The following SAMD3 variants were observed in gnomAD, a reference collection of about 807,000 sequenced individuals.
SAMD3 encodes sterile alpha motif domain-containing protein 3.
In SAMD3, 63 loss-of-function variants were observed where a neutral mutation model predicts 58.5. That is an observed-to-expected ratio of 1.08 (90% CI 0.88 to 1.33). The LOEUF is 1.33. SAMD3 is among the 40% of genes most tolerant of loss of function. The pLI is 0.00. For synonymous variants in SAMD3, 220 were observed against 210.3 expected, an observed-to-expected ratio of 1.05 and a Z score of -0.40; for missense variants, 604 against 608.4, an observed-to-expected ratio of 0.99 and a Z score of 0.08.
chr6:130,345,867 T>C (rs1482389677), intron 1 of SAMD3, among the ~76,000 whole-genome samples: 1 of 152,172 alleles, frequency 6.6e-6, no homozygotes, highest in Non-Finnish European at 1.5e-5. Flanking sequence ...GTATCTGTCA[T>C]GGGTCATGTG....
At chr6:130,146,721 TC>T (rs2114544244) in intron 9 of SAMD3, among the ~76,000 whole-genome samples, 1 of 152,216 alleles carries the variant, frequency 6.6e-6, no homozygotes, top group African/African-American at 2.4e-5. Context: ...ATGATTATAA[TC>T]CCAGCATTTT....
At chr6:130,282,135 C>T (rs565320174) in intron 2 of SAMD3, among the ~76,000 whole-genome samples, 8 of 151,818 alleles carry the variant, frequency 5.3e-5, no homozygotes, top group South Asian at 2.1e-4. Flanking sequence ...CACACACACA[C>T]GCACACACAC....
upstream of SAMD3, chr6:130,365,516 G>GAGGGGCGTGGAGCC: frequency 1.0e-6 from 1 of 985,410 alleles, no homozygotes; most frequent in Non-Finnish European, 1.2e-6. Context: ...GAAAGCGTCC[G>GAGGGGCGTGGAGCC]AGGGGCGTGG....
chr6:130,282,550 T>C (rs1775016338), intron 2 of SAMD3, among the ~76,000 whole-genome samples: 1 of 152,016 alleles, frequency 6.6e-6, no homozygotes, highest in Admixed American at 6.6e-5. Flanking sequence ...AGCTTTGTAT[T>C]CAAAACAAGA....
At chr6:130,199,808 A>G (rs183050193) in intron 5 of SAMD3, among the ~76,000 whole-genome samples, 1 of 152,156 alleles carries the variant, frequency 6.6e-6, no homozygotes, top group Admixed American at 6.5e-5. Context: ...GTGAATTCTG[A>G]AAAATGTTTG....
At chr6:130,158,298 T>C (rs1489556169) in intron 8 of SAMD3, among the ~76,000 whole-genome samples, 5 of 152,170 alleles carry the variant, frequency 3.3e-5, no homozygotes, top group African/African-American at 7.2e-5. Context: ...GATGGGAAAG[T>C]ATCAAGACAT....
At chr6:130,176,490 G>A (rs543410748) in intron 7 of SAMD3, among the ~76,000 whole-genome samples, 1 of 152,308 alleles carries the variant, frequency 6.6e-6, no homozygotes, top group South Asian at 2.1e-4. Flanking sequence ...CCCTAAGTGT[G>A]TGTGGTGCCT....
intron 1 of SAMD3, among the ~76,000 whole-genome samples, chr6:130,352,410 C>T (rs1777702958): frequency 6.6e-6 from 1 of 152,058 alleles, no homozygotes; most frequent in South Asian, 2.1e-4. Flanking sequence ...TGAATTGGAA[C>T]TTCTTCACTT....
At chr6:130,325,035 C>T (rs1044806728) in intron 1 of SAMD3, among the ~76,000 whole-genome samples, 5 of 147,036 alleles carry the variant, frequency 3.4e-5, no homozygotes, top group African/African-American at 1.1e-4. Flanking sequence ...AAATACTGCA[C>T]GTACAATTCA....
Position 130,155,593 on chromosome 6 carries a change from A to G in SAMD3, c.823-568T>C, listed in dbSNP as rs189781285. On this transcript the variant is annotated intron_variant, in intron 8 of 11. Transcript: ENST00000439090. ...AAACACCTCACTTATTCTTGTTGAA[A>G]ATCTAAGACAATCAGCTTTGAGGAA... Among the ~76,000 whole-genome samples, 7 of 152,332 alleles carry G rather than the reference A, an allele frequency of 4.6e-5. No homozygotes were observed. The East Asian group carries it at 1.3e-3, about 29-fold the overall frequency.
At chr6:130,322,627 G>A (rs189250100) in intron 1 of SAMD3, among the ~76,000 whole-genome samples, 36 of 152,276 alleles carry the variant, frequency 2.4e-4, no homozygotes, top group Admixed American at 1.1e-3. Flanking sequence ...CAGAGTGAGT[G>A]AGACTGTCTC....
chr6:130,174,382 C>A (rs1280392370), intron 8 of SAMD3, among the ~76,000 whole-genome samples: 2 of 152,210 alleles, frequency 1.3e-5, no homozygotes, highest in African/African-American at 4.8e-5. Context: ...CCAGGTAGCA[C>A]AGTCCCTCAT....
intron 5 of SAMD3, among the ~76,000 whole-genome samples, chr6:130,188,391 T>C (rs1793204062): frequency 6.6e-6 from 1 of 152,234 alleles, no homozygotes; most frequent in Non-Finnish European, 1.5e-5. Flanking sequence ...ATAACATTGC[T>C]TAGCAGAGTT....
In SAMD3 at chr6:130,144,438, ACCACAACCC is replaced by A; in HGVS notation, c.*73_*81del. ...AGATGATTTTCTCATACCTACCTCT[ACCACAACCC>A]TAAATCAAAACAATTTCTTATGAAG... On this transcript the variant is annotated 3_prime_UTR_variant, in exon 12 of 12. Transcript: ENST00000439090. 2 of 1,376,504 alleles carry A rather than the reference ACCACAACCC, an allele frequency of 1.5e-6. No individual in the cohort carries two copies. Among genetic ancestry groups the A allele is most frequent in the Non-Finnish European group, 1.0e-6 (1 of 1,004,632 alleles). 85.3% of individuals were successfully genotyped at this position (1,376,504 alleles called of 1,614,324 possible).
At chr6:130,236,455 C>G (rs1005421325) in intron 2 of SAMD3, among the ~76,000 whole-genome samples, 1 of 151,182 alleles carries the variant, frequency 6.6e-6, no homozygotes, top group African/African-American at 2.5e-5. Context: ...GTGATCTCAG[C>G]CCACTGCAAC....
intron 2 of SAMD3, among the ~76,000 whole-genome samples, chr6:130,237,401 T>C (rs1773200051): frequency 6.6e-6 from 1 of 152,212 alleles, no homozygotes; most frequent in South Asian, 2.1e-4. Flanking sequence ...TGCAAAGAAC[T>C]TGGCATTTTG....
At chr6:130,294,810 C>G (rs1304687215) in intron 2 of SAMD3, among the ~76,000 whole-genome samples, 4 of 150,820 alleles carry the variant, frequency 2.7e-5, no homozygotes, top group African/African-American at 2.4e-5. Flanking sequence ...ATCTTGCATA[C>G]CTTGATTATT....
At chr6:130,251,948 C>CT (rs111321647) in intron 2 of SAMD3, among the ~76,000 whole-genome samples, 2,468 of 147,136 alleles carry the variant, frequency 0.017, 61 homozygotes, top group African/African-American at 0.056. Context: ...TTTAAGTCCT[C>CT]TTTTTTTTTT....
intron 2 of SAMD3, among the ~76,000 whole-genome samples, chr6:130,296,134 A>G (rs1775563013): frequency 6.6e-6 from 1 of 152,212 alleles, no homozygotes; most frequent in Admixed American, 6.5e-5. Context: ...TGAAAAGAGA[A>G]TGCCAAGAAG....
Sources: gnomAD v4.1 joint callset for allele counts (sites outside exome capture counted in the v4.1 genomes callset) on GRCh38, gnomAD v4.1.1 for gene constraint, MANE v1.5 for transcripts, NCBI Gene and HGNC (gene_info 2026-07-23, HGNC 2026-07-21) for gene names.